Variants in NFATC1 observed in about 807,000 individuals in gnomAD.
NFATC1 encodes the protein nuclear factor of activated T cells 1.
NFATC1 carries 22 observed loss-of-function variants against 76.0 expected under a neutral mutation model. The ratio of observed to expected loss-of-function variants is 0.29; its 90% CI spans 0.21 to 0.41. NFATC1 has a LOEUF of 0.41. Ranked by LOEUF, NFATC1 falls within the 10% of genes least tolerant of loss-of-function variation. The pLI is 1.00. For synonymous variants in NFATC1, 704 were observed against 613.1 expected (o/e 1.15, Z -2.19); for missense variants, 1,357 against 1,337.7 (o/e 1.01, Z -0.23).
chr18:79,494,067 G>A (rs752287799), intron 9 of NFATC1, among the ~76,000 whole-genome samples: 42 of 152,232 alleles, frequency 2.8e-4, no homozygotes, highest in Middle Eastern at 3.2e-3. Flanking sequence ...ACCAGAGGCC[G>A]CGTCCAAACC....
Position 79,410,812 on chromosome 18 carries a change from C to T in NFATC1, c.537C>T (p.Ser179=), listed in dbSNP as rs1250379619. 3 of 1,612,306 alleles carry T rather than the reference C, an allele frequency of 1.9e-6. No homozygotes were observed. The highest frequency in any genetic ancestry group is 2.5e-6 in the Non-Finnish European group (3 of 1,179,664). ...SCLSPASSLS[S]RSCNSEASSY... is the part of the protein sequence containing the mutation. ...TGAGCCCGGCCAGCAGCCTGTCCTC[C>T]CGGAGCTGCAACTCAGAGGCCTCCT... Residue 179 remains serine, a synonymous_variant, in exon 2 of 10, where the codon TCC becomes TCT. Transcript: ENST00000427363. The surrounding 1 kb of genome is among the most constrained non-coding windows in gnomAD (Gnocchi z 6.7).
intron 1 of NFATC1, among the ~76,000 whole-genome samples, chr18:79,396,824 G>A (rs2148112987): frequency 6.6e-6 from 1 of 151,258 alleles, no homozygotes; most frequent in East Asian, 2.0e-4. Flanking sequence ...CGAGCTCGTG[G>A]CGGCGTCTCC....
intron 2 of NFATC1, among the ~76,000 whole-genome samples, chr18:79,428,831 G>A (rs995627138): frequency 2.0e-5 from 3 of 152,108 alleles, no homozygotes; most frequent in Admixed American, 2.0e-4. Flanking sequence ...GCGAGACCTT[G>A]TTCTAAGAAA....
In NFATC1 at chr18:79,451,090, C is replaced by T. The variant is rs754755227; in HGVS notation, c.1726C>T (p.Leu576=). 8 of 1,612,964 alleles carry T rather than the reference C, an allele frequency of 5.0e-6. No homozygotes were observed. The highest frequency in any genetic ancestry group is 3.3e-5 in the South Asian group (3 of 91,080). Residue 576 remains leucine, a synonymous_variant, in exon 5 of 10, where the codon CTG becomes TTG. Transcript: ENST00000427363. ...CGTCCCGCAACCCAGCGGCCGCACG[C>T]TGTCCCTGCAGGTGGCCTCCAACCC... is the stretch of plus-strand genomic sequence containing the variant. ...VHVPQPSGRT[L]SLQVASNPIE...
chr18:79,410,824 C>G lies in NFATC1; in HGVS notation c.549C>G (p.Asn183Lys). 1 of 1,611,886 alleles carries G rather than the reference C, an allele frequency of 6.2e-7. No individual in the cohort carries two copies. The highest frequency in any genetic ancestry group is 8.5e-7 in the Non-Finnish European group (1 of 1,179,448). ...PASSLSSRSC[N>K]SEASSYESNY... ...GCAGCCTGTCCTCCCGGAGCTGCAA[C>G]TCAGAGGCCTCCTCCTACGAGTCCA... is the stretch of plus-strand genomic sequence containing the variant. Residue 183 changes from asparagine (N) to lysine (K), a missense_variant, in exon 2 of 10, where the codon AAC becomes AAG. Physicochemically the swap from Asn to Lys is moderately conservative, Grantham distance 94. Around this residue, in one of 3 missense-constraint regions of NFATC1, gnomAD observed 691 missense variants for 613.1 expected, o/e 1.13. Coordinates refer to ENST00000427363, the MANE Select transcript of NFATC1 (RefSeq NM_001278669.2). This position sits in a 1 kb window ranked among gnomAD's most constrained non-coding sequence, Gnocchi z 6.7.
chr18:79,423,655 T>C (rs1432270900), intron 2 of NFATC1, among the ~76,000 whole-genome samples: 2 of 152,148 alleles, frequency 1.3e-5, no homozygotes, highest in African/African-American at 4.8e-5. Context: ...GGGCTGCCCC[T>C]GCATCCTGAG....
intron 9 of NFATC1, among the ~76,000 whole-genome samples, chr18:79,518,113 G>C (rs1426849239): frequency 6.6e-6 from 1 of 152,206 alleles, no homozygotes; most frequent in Non-Finnish European, 1.5e-5. Context: ...TCTCCAGCTG[G>C]CACAGTCACC....
chr18:79,424,454 A>T (rs2086208705), intron 2 of NFATC1, among the ~76,000 whole-genome samples: 1 of 151,834 alleles, frequency 6.6e-6, no homozygotes, highest in Admixed American at 6.6e-5. Flanking sequence ...CGTCGGAGAA[A>T]TGCGCTGATC....
intron 9 of NFATC1, among the ~76,000 whole-genome samples, chr18:79,526,114 G>A (rs1483873198): frequency 3.3e-5 from 5 of 152,256 alleles, no homozygotes; most frequent in South Asian, 2.1e-4. Flanking sequence ...GCCCCGCAGC[G>A]CCGCCCGAGT....
At position 79,429,317 on chromosome 18, in the gene NFATC1, C is replaced by T. The variant is rs185298028; in HGVS notation, c.1227-4262C>T. On this transcript the variant is annotated intron_variant, in intron 2 of 9. Transcript: ENST00000427363. ...TCACCGTCCAGACCGGGTGGACGTT[C>T]GTCGGTCACCATCCAGACCAGGTGG... Among the ~76,000 whole-genome samples, 31 of 150,598 alleles carry T rather than the reference C, an allele frequency of 2.1e-4. No homozygotes were observed. The East Asian group carries it at 5.2e-3, about 25-fold the overall frequency.
intron 7 of NFATC1, among the ~76,000 whole-genome samples, chr18:79,463,941 C>T (rs1483422078): frequency 6.6e-6 from 1 of 152,248 alleles, no homozygotes; most frequent in Non-Finnish European, 1.5e-5. Flanking sequence ...AAAACAATCC[C>T]AGCCAAGCTG....
intron 7 of NFATC1, among the ~76,000 whole-genome samples, chr18:79,466,664 C>T (rs73494278): frequency 0.043 from 6,558 of 152,320 alleles, 458 homozygotes; most frequent in African/African-American, 0.15. Flanking sequence ...GCTGTCTGTG[C>T]CTCCGTGCCC....
At chr18:79,399,732 A>T (rs191329930) in intron 1 of NFATC1, among the ~76,000 whole-genome samples, 1 of 151,668 alleles carries the variant, frequency 6.6e-6, no homozygotes, top group South Asian at 2.1e-4. Flanking sequence ...GGGGACTCGC[A>T]GGAGAGGCCG....
chr18:79,450,990 C>G lies in NFATC1; in HGVS notation c.1626C>G (p.Ser542=), dbSNP rs368995476. The G allele has an allele frequency of 4.3e-6, 7 of 1,613,800 alleles. No homozygotes were observed. The East Asian group carries it at 1.6e-4, about 36-fold the overall frequency. The change falls in exon 5 of 10, where the codon TCC becomes TCG. Residue 542 remains serine, a synonymous_variant. Transcript: ENST00000427363. ...CCGGAATCCTGAAACTCAGAAACTC[C>G]GACATTGAACTTCGGAAAGGAGAGA... The part of the protein sequence containing the change: ...DCAGILKLRN[S]DIELRKGETD...
intron 8 of NFATC1, among the ~76,000 whole-genome samples, chr18:79,481,138 C>T (rs1219968044): frequency 6.6e-6 from 1 of 152,236 alleles, no homozygotes; most frequent in Admixed American, 6.5e-5. Flanking sequence ...TTGGCCAAGC[C>T]CTGCCTCTGG....
intron 1 of NFATC1, among the ~76,000 whole-genome samples, chr18:79,409,682 C>T (rs545169089): frequency 6.6e-6 from 1 of 152,320 alleles, no homozygotes; most frequent in East Asian, 1.9e-4. Flanking sequence ...CTTTACCTGT[C>T]TATCCATCAT....
intron 8 of NFATC1, among the ~76,000 whole-genome samples, chr18:79,480,440 G>T (rs989232548): frequency 6.6e-6 from 1 of 152,052 alleles, no homozygotes; most frequent in Non-Finnish European, 1.5e-5. Context: ...CTCCGAACCC[G>T]CAGGGCAAGC....
chr18:79,431,863 C>T (rs567817233), intron 2 of NFATC1, among the ~76,000 whole-genome samples: 7 of 152,266 alleles, frequency 4.6e-5, no homozygotes, highest in East Asian at 3.9e-4. Flanking sequence ...CCACCACGCC[C>T]GGCTAATTTT....
chr18:79,443,150 T>G (rs1315459862), intron 3 of NFATC1, among the ~76,000 whole-genome samples: 2 of 152,202 alleles, frequency 1.3e-5, no homozygotes, highest in Non-Finnish European at 2.9e-5. Flanking sequence ...AAATTCAGTT[T>G]TATCTGTGGA....
Sources: gnomAD v4.1 joint callset for allele counts (sites outside exome capture counted in the v4.1 genomes callset) on GRCh38, gnomAD v4.1.1 for gene constraint, gnomAD v4.1.1 regional missense constraint, Gnocchi (gnomAD v3.1) non-coding constraint, MANE v1.5 for transcripts, NCBI Gene and HGNC (gene_info 2026-07-23, HGNC 2026-07-21) for gene names.